Variants in CCDC7 observed in about 807,000 individuals in gnomAD.
CCDC7 encodes the protein coiled-coil domain-containing protein 7.
In CCDC7, 183 loss-of-function variants were observed where a neutral mutation model predicts 196.9. The ratio of observed to expected loss-of-function variants is 0.93; its 90% CI spans 0.82 to 1.05. The LOEUF is 1.05. Among genes scored for constraint, CCDC7 ranks in the 50% least tolerant of loss-of-function variants. The pLI is 0.00. For synonymous variants in CCDC7, 525 were observed against 484.6 expected (o/e 1.08, Z -1.10); for missense variants, 1,540 against 1,482.2 (o/e 1.04, Z -0.64).
At chr10:32,574,421 C>A in intron 16 of CCDC7, 1 of 1,575,848 alleles carries the variant, frequency 6.3e-7, no homozygotes, top group African/African-American at 1.4e-5. Context: ...TTTTGGGTTA[C>A]TTCTTAGATG....
upstream of CCDC7, among the ~76,000 whole-genome samples, chr10:32,449,565 C>T (rs553687118): frequency 6.6e-5 from 10 of 152,064 alleles, no homozygotes; most frequent in South Asian, 2.1e-4. Flanking sequence ...TGGGGGTGTC[C>T]CCTGTTTGTC....
chr10:32,882,476 C>G (rs903787668), intron 22 of CCDC7, among the ~76,000 whole-genome samples: 3 of 151,968 alleles, frequency 2.0e-5, no homozygotes, highest in African/African-American at 7.2e-5. Context: ...GAGTCATTGT[C>G]AATGTTCAGC....
chr10:32,782,263 C>T (rs2081180484), intron 29 of CCDC7, among the ~76,000 whole-genome samples: 1 of 151,032 alleles, frequency 6.6e-6, no homozygotes, highest in African/African-American at 2.4e-5. Flanking sequence ...TTGAGTCTTC[C>T]TCTGTCACCC....
rs544932158 is a variant in CCDC7, at chr10:32,611,338, T to C, written c.1802-22916T>C. ...GGGTATTAGTCCTTTGTCAGATGGA[T>C]AATTGCAAAAATGTTCTCCCATTCT... On this transcript the variant is annotated intron_variant, in intron 18 of 41. Transcript: ENST00000639629. Among the ~76,000 whole-genome samples, 88 of 152,314 alleles carry C rather than the reference T, an allele frequency of 5.8e-4. 3 individuals carry two copies. Among genetic ancestry groups the C allele is most frequent in the Admixed American group, 3.9e-4 (6 of 15,296 alleles).
intron 17 of CCDC7, 101 bp downstream of exon 18, chr10:32,583,408 TATTTC>T: frequency 1.3e-6 from 1 of 789,554 alleles, no homozygotes; most frequent in Middle Eastern, 4.3e-4. Context: ...AATATTTTCT[TATTTC>T]AAGAGAATTA....
chr10:32,507,539 C>T (rs1466435766), intron 9 of CCDC7, among the ~76,000 whole-genome samples: 1 of 152,110 alleles, frequency 6.6e-6, no homozygotes, highest in East Asian at 1.9e-4. Context: ...CAGCCTCTGC[C>T]TCCTGGGTTC....
intron 18 of CCDC7, among the ~76,000 whole-genome samples, chr10:32,610,891 A>G (rs569269743): frequency 1.3e-5 from 2 of 152,212 alleles, no homozygotes; most frequent in Non-Finnish European, 2.9e-5. Context: ...ATATGTGTGC[A>G]TGCGTCTTTA....
At chr10:32,745,808 T>C (rs1196325103) in intron 28 of CCDC7, among the ~76,000 whole-genome samples, 1 of 152,216 alleles carries the variant, frequency 6.6e-6, no homozygotes, top group Non-Finnish European at 1.5e-5. Flanking sequence ...AAGGAAGAAC[T>C]GACACCTTGA....
intron 18 of CCDC7, among the ~76,000 whole-genome samples, chr10:32,599,295 CTT>C: frequency 6.6e-6 from 1 of 151,910 alleles, no homozygotes; most frequent in East Asian, 1.9e-4. Context: ...ATTTTTGTGT[CTT>C]TGCATCTAAA....
chr10:32,478,939 C>T (rs2039491097), intron 8 of CCDC7, among the ~76,000 whole-genome samples: 1 of 151,976 alleles, frequency 6.6e-6, no homozygotes, highest in Non-Finnish European at 1.5e-5. Context: ...AGCATAGTAC[C>T]TGCTGTTTTG....
chr10:32,599,375 G>A (rs892173670), intron 18 of CCDC7, among the ~76,000 whole-genome samples: 2 of 152,088 alleles, frequency 1.3e-5, no homozygotes, highest in East Asian at 3.9e-4. Flanking sequence ...GCTTTTGTCA[G>A]TTTCTGTCTT....
chr10:32,832,659 C>A (rs892888843), intron 32 of CCDC7, among the ~76,000 whole-genome samples: 2 of 151,548 alleles, frequency 1.3e-5, no homozygotes, highest in African/African-American at 2.4e-5. Flanking sequence ...GGTATCAGGC[C>A]GTGTTATTAA....
chr10:32,612,549 G>A (rs1210079663), intron 18 of CCDC7, among the ~76,000 whole-genome samples: 1 of 152,150 alleles, frequency 6.6e-6, no homozygotes, highest in East Asian at 1.9e-4. Context: ...GATATGGGCT[G>A]TGGGTTTGTC....
intron 7 of CCDC7, among the ~76,000 whole-genome samples, chr10:32,473,306 G>C (rs896556021): frequency 7.2e-5 from 11 of 152,062 alleles, no homozygotes; most frequent in African/African-American, 2.7e-4. Flanking sequence ...GGAAATATTT[G>C]GTATTTTAAG....
At chr10:32,752,674 T>C (rs1200323321) in intron 28 of CCDC7, among the ~76,000 whole-genome samples, 1 of 152,192 alleles carries the variant, frequency 6.6e-6, no homozygotes, top group East Asian at 1.9e-4. Context: ...AGTTTGCTTC[T>C]CAATGTTATT....
At chr10:32,614,246 T>A (rs1292872824) in intron 18 of CCDC7, among the ~76,000 whole-genome samples, 1 of 148,902 alleles carries the variant, frequency 6.7e-6, no homozygotes, top group African/African-American at 2.6e-5. Flanking sequence ...TTTTTTTTTC[T>A]TTTCTTTTTT....
At chr10:32,694,762 T>G (rs1346853133) in intron 23 of CCDC7, 117 bp from the exon 25 acceptor site, 2 of 538,694 alleles carry the variant, frequency 3.7e-6, no homozygotes, top group African/African-American at 1.9e-5. Flanking sequence ...TCTGATAATT[T>G]ACTTACAAAT....
At chr10:32,583,573 A>T (rs1025042279) in intron 17 of CCDC7, among the ~76,000 whole-genome samples, 63 of 151,494 alleles carry the variant, frequency 4.2e-4, no homozygotes, top group African/African-American at 1.4e-3. Flanking sequence ...AATATAAAAG[A>T]TATGTCATTC....
At chr10:32,610,329 C>A (rs2061971535) in intron 18 of CCDC7, among the ~76,000 whole-genome samples, 1 of 152,166 alleles carries the variant, frequency 6.6e-6, no homozygotes, top group South Asian at 2.1e-4. Flanking sequence ...TGGTCTCAAT[C>A]TCCTGACCTC....
Sources: allele counts gnomAD v4.1 joint callset (sites outside exome capture counted in the v4.1 genomes callset), GRCh38; gene constraint gnomAD v4.1.1; transcripts MANE v1.5; gene names NCBI Gene and HGNC (gene_info 2026-07-23, HGNC 2026-07-21).